Variants in SH3GL1 observed in about 807,000 individuals in gnomAD.
SH3GL1 encodes the protein endophilin-A2.
Under a neutral mutation model 48.8 loss-of-function variants are expected in SH3GL1, and 21 were observed. The observed-to-expected ratio is 0.43, with a 90% CI of 0.30 to 0.62. The LOEUF is 0.62. Among genes scored for constraint, SH3GL1 ranks in the 20% least tolerant of loss-of-function variants. The probability of loss-of-function intolerance (pLI) is 0.11; values close to 1 mark genes in which losing one functional copy is unlikely to be tolerated. For missense variants in SH3GL1, 454 were observed against 503.0 expected, an observed-to-expected ratio of 0.90 and a Z score of 0.93; for synonymous variants, 282 against 217.5, an observed-to-expected ratio of 1.30 and a Z score of -2.61.
intron 1 of SH3GL1, among the ~76,000 whole-genome samples, chr19:4,391,413 G>A (rs1257900629): frequency 2.0e-5 from 3 of 152,200 alleles, no homozygotes; most frequent in Non-Finnish European, 4.4e-5. Flanking sequence ...CAGATAAGCA[G>A]GGCGATCAGC....
chr19:4,384,949 T>C (rs577575615), intron 1 of SH3GL1, among the ~76,000 whole-genome samples: 9 of 152,052 alleles, frequency 5.9e-5, no homozygotes, highest in African/African-American at 2.2e-4. Context: ...ACTAAAAATA[T>C]GAAAATTATC....
chr19:4,382,953 C>G (rs191230713), intron 1 of SH3GL1, among the ~76,000 whole-genome samples: 1 of 152,168 alleles, frequency 6.6e-6, no homozygotes, highest in Non-Finnish European at 1.5e-5. Context: ...GAGTCTCACT[C>G]TGTCGCCCAG....
At chr19:4,390,862 G>C (rs534394253) in intron 1 of SH3GL1, among the ~76,000 whole-genome samples, 31 of 151,806 alleles carry the variant, frequency 2.0e-4, no homozygotes, top group African/African-American at 6.3e-4. Context: ...GCTCTGCCCC[G>C]GGCAGCGCCG....
chr19:4,363,759 C>T lies in SH3GL1; in HGVS notation c.585G>A (p.Glu195=), dbSNP rs1397621147. The T allele has an allele frequency of 6.2e-7, 1 of 1,613,830 alleles. No individual in the cohort carries two copies. Among genetic ancestry groups the T allele is most frequent in the East Asian group, 2.2e-5 (1 of 44,882 alleles). The change falls in exon 6 of 10, where the codon GAG becomes GAA. Residue 195 remains glutamate (E), a synonymous_variant. Coordinates refer to ENST00000269886, the MANE Select transcript of SH3GL1 (RefSeq NM_003025.4). ...QALEKFEESK[E]VAETSMHNLL... is the part of the protein sequence containing the mutation. ...GGTTGTGCATGCTGGTTTCTGCCAC[C>T]TCCTTGGACTCCTCGAACTTCTCCA...
chr19:4,362,160 A>G (rs914394183), intron 9 of SH3GL1, among the ~76,000 whole-genome samples, 169 bp downstream of exon 9: 1 of 152,056 alleles, frequency 6.6e-6, no homozygotes. Context: ...TGAGGCTGAG[A>G]CCCAGAGGGG....
chr19:4,365,679 C>T (rs943566558), intron 3 of SH3GL1, 54 bp from the exon 4 acceptor site: 30 of 1,606,762 alleles, frequency 1.9e-5, no homozygotes, highest in Non-Finnish European at 2.4e-5. Flanking sequence ...CTCCTCTGCC[C>T]TGGCAGACTG....
At chr19:4,397,914 A>G (rs1278687756) in intron 1 of SH3GL1, among the ~76,000 whole-genome samples, 4 of 152,020 alleles carry the variant, frequency 2.6e-5, no homozygotes, top group Non-Finnish European at 5.9e-5. Flanking sequence ...TGGCACGATC[A>G]TAGTTCACTG....
At chr19:4,362,298 C>G in intron 9 of SH3GL1, 31 bp downstream of exon 9, 1 of 1,605,466 alleles carries the variant, frequency 6.2e-7, no homozygotes, top group Non-Finnish European at 8.5e-7. Flanking sequence ...GAAGGCAGCA[C>G]TGAGGTCGAG....
intron 1 of SH3GL1, among the ~76,000 whole-genome samples, chr19:4,382,327 G>A (rs896990416): frequency 7.3e-6 from 1 of 137,780 alleles, no homozygotes; most frequent in Non-Finnish European, 1.5e-5. Context: ...GCGCGATCTC[G>A]GCTCACTGCA....
intron 4 of SH3GL1, among the ~76,000 whole-genome samples, chr19:4,364,982 C>T (rs1373021341): frequency 6.7e-6 from 1 of 150,164 alleles, no homozygotes; most frequent in East Asian, 2.0e-4. Flanking sequence ...CTCGAATTCC[C>T]GATCTCAGGT....
At chr19:4,375,822 C>T (rs1171636517) in intron 1 of SH3GL1, among the ~76,000 whole-genome samples, 4 of 152,360 alleles carry the variant, frequency 2.6e-5, no homozygotes, top group African/African-American at 4.8e-5. Context: ...CCCTGAGGCT[C>T]CGCCTGGCAG....
chr19:4,398,338 C>T (rs1378798311), intron 1 of SH3GL1, among the ~76,000 whole-genome samples: 1 of 152,068 alleles, frequency 6.6e-6, no homozygotes, highest in African/African-American at 2.4e-5. Context: ...CACAACCTCA[C>T]CCTGCAGTAC....
intron 1 of SH3GL1, among the ~76,000 whole-genome samples, chr19:4,399,295 G>C (rs1442002017): frequency 7.2e-6 from 1 of 139,444 alleles, no homozygotes; most frequent in African/African-American, 2.6e-5. Context: ...CCTCCAGCTG[G>C]GGCGACAGAG....
intron 9 of SH3GL1, 125 bp downstream of exon 9, chr19:4,362,204 T>G (rs1972636557): frequency 2.0e-6 from 2 of 983,054 alleles, no homozygotes; most frequent in Non-Finnish European, 3.1e-6. Context: ...CTGTGCCCCC[T>G]ACTGCTGCAC....
Position 4,367,294 on chromosome 19 carries a change from G to T in SH3GL1, c.46-300C>A, listed in dbSNP as rs1972804008. Among the ~76,000 whole-genome samples, 1 of 152,192 alleles carries T rather than the reference G, an allele frequency of 6.6e-6. No individual in the cohort carries two copies. The highest frequency in any genetic ancestry group is 2.4e-5 in the African/African-American group (1 of 41,448). On this transcript the variant is annotated intron_variant, in intron 1 of 9. Coordinates refer to ENST00000269886, the MANE Select transcript of SH3GL1 (RefSeq NM_003025.4). This position sits in a 1 kb window ranked among gnomAD's most constrained non-coding sequence, Gnocchi z 4.2. ...CACAGTAGGCCCCATCTGGGCCACG[G>T]TGGAGTCCAGAGCCTCAGCCTGAGA...
rs571504582 is a variant in SH3GL1, at chr19:4,388,062, T to C, written c.45+12262A>G. ...TTTTAGTAGAGATGGGGTTTCACCA[T>C]GTTGGCCAGTCTAGTCTCAAACTCC... On this transcript the variant is annotated intron_variant, in intron 1 of 9. Transcript: ENST00000269886. Among the ~76,000 whole-genome samples, 9 of 152,184 alleles carry C rather than the reference T, an allele frequency of 5.9e-5. No individual in the cohort carries two copies. In the South Asian group the frequency reaches 1.0e-3, roughly 18 times the overall value.
intron 6 of SH3GL1, 119 bp from the exon 7 acceptor site, chr19:4,363,592 C>T (rs1972686377): frequency 1.2e-5 from 18 of 1,463,232 alleles, no homozygotes; most frequent in Non-Finnish European, 1.6e-5. Flanking sequence ...GACTGGGGCC[C>T]ATACCCTCCA....
intron 1 of SH3GL1, among the ~76,000 whole-genome samples, chr19:4,369,403 C>T (rs1972851052): frequency 6.6e-6 from 1 of 152,244 alleles, no homozygotes; most frequent in Admixed American, 6.5e-5. Context: ...CAGCGGGCTG[C>T]GAAACCACAC....
At chr19:4,382,509 G>A (rs1365414826) in intron 1 of SH3GL1, among the ~76,000 whole-genome samples, 2 of 151,496 alleles carry the variant, frequency 1.3e-5, no homozygotes, top group African/African-American at 2.4e-5. Flanking sequence ...CGCCTGCCTC[G>A]GCCTCCCAAA....
Sources: allele counts gnomAD v4.1 joint callset (sites outside exome capture counted in the v4.1 genomes callset), GRCh38; gene constraint gnomAD v4.1.1; non-coding constraint Gnocchi (gnomAD v3.1); transcripts MANE v1.5; gene names NCBI Gene and HGNC (gene_info 2026-07-23, HGNC 2026-07-21).